VSIG1: variants seen among roughly 807,000 people sequenced by gnomAD.
The protein encoded by VSIG1 is V-set and immunoglobulin domain-containing protein 1.
In VSIG1, 11 loss-of-function variants were observed where a neutral mutation model predicts 20.1. The observed-to-expected ratio is 0.55, with a 90% confidence interval of 0.34 to 0.91. The LOEUF is 0.91. Ranked by LOEUF, VSIG1 falls within the 40% of genes least tolerant of loss-of-function variation. The probability of loss-of-function intolerance (pLI) is 0.02; values close to 1 mark genes in which losing one functional copy is unlikely to be tolerated. For synonymous variants in VSIG1, 126 were observed against 116.7 expected (o/e 1.08, Z -0.52); for missense variants, 283 against 298.8 (o/e 0.95, Z 0.39).
rs1569287348 is a variant in VSIG1, at chrX:108,047,941, T to TATATACAC, written c.49+2767_49+2768insCACATATA. 3.0e-3 allele frequency among the ~76,000 whole-genome samples: 80 copies of TATATACAC among 26,412 alleles called. 4 individuals are homozygous for TATATACAC. Among genetic ancestry groups the TATATACAC allele is most frequent in the Non-Finnish European group, 4.2e-3 (71 of 16,955 alleles). The allele number at this position is 26,412 out of a possible 115,157, so 22.9% of individuals were successfully genotyped here. A position where few individuals can be genotyped will look rare whatever the true frequency, so the allele number is the denominator to read the frequency against. On this transcript the variant is annotated intron_variant, in intron 1 of 6. Transcript: ENST00000217957. ...ATACACATATATATATATACACATA[T>TATATACAC]ATATATATATATACACACACATATA...
chrX:108,032,242 G>A, the VSIG1 span, among the ~76,000 whole-genome samples: 1 of 112,402 alleles, frequency 8.9e-6, no homozygotes, highest in East Asian at 2.8e-4. Flanking sequence ...AGACATAAGA[G>A]AATGCAAGAA....
chrX:108,057,572 T>TA (rs1344990499), intron 1 of VSIG1, among the ~76,000 whole-genome samples: 4 of 111,745 alleles, frequency 3.6e-5, no homozygotes, highest in Non-Finnish European at 7.5e-5. Context: ...AATATATAAA[T>TA]AAAAATTTTA....
At chrX:108,041,670 T>A (rs1209948858), upstream of VSIG1, among the ~76,000 whole-genome samples, 1 of 107,759 alleles carries the variant, frequency 9.3e-6, no homozygotes, top group Non-Finnish European at 1.9e-5. Context: ...GGATTACATG[T>A]GTGAGTGAAT....
At chrX:108,047,799 T>TATATATATACACATATATATATAC (rs2030623974) in intron 1 of VSIG1, among the ~76,000 whole-genome samples, 1 of 68,561 alleles carries the variant, frequency 1.5e-5, no homozygotes, top group Non-Finnish European at 2.6e-5. Flanking sequence ...TCTATATATA[T>TATATATATACACATATATATATAC]ATATATATAC....
Position 108,072,696 on chromosome X carries a change from T to C in VSIG1, c.432T>C (p.Leu144=). The change falls in exon 4 of 7, where the codon CTT becomes CTC. Residue 144 remains leucine, a synonymous_variant. Transcript: ENST00000217957. ...TTACAGTGAAACCTTCTAAGCCCCT[T>C]TGTAGCGTTCAAGGAAGACCAGAAA... The part of the protein sequence containing the change: ...VSVLVKPSKP[L]CSVQGRPETG... The C allele has an allele frequency of 1.7e-6, 2 of 1,211,413 alleles. No homozygotes were observed. The highest frequency in any genetic ancestry group is 2.2e-6 in the Non-Finnish European group (2 of 895,250).
chrX:108,050,571 A>G (rs1250867837), intron 1 of VSIG1, among the ~76,000 whole-genome samples: 4 of 112,563 alleles, frequency 3.6e-5, no homozygotes, highest in African/African-American at 1.3e-4. Context: ...ATCACCTAAA[A>G]TAGCCCTTTG....
intron 2 of VSIG1, among the ~76,000 whole-genome samples, chrX:108,066,374 C>A (rs1410254881): frequency 9.0e-6 from 1 of 111,423 alleles, no homozygotes; most frequent in East Asian, 2.8e-4. Context: ...CAGATGATTT[C>A]TAAGATGCTT....
At chrX:108,034,303 G>C in the VSIG1 span, among the ~76,000 whole-genome samples, 1 of 111,881 alleles carries the variant, frequency 8.9e-6, no homozygotes, top group South Asian at 3.8e-4. Context: ...GACCCAAATT[G>C]CTTCCTTTAT....
At chrX:108,023,868 G>A in the VSIG1 span, among the ~76,000 whole-genome samples, 3 of 111,776 alleles carry the variant, frequency 2.7e-5, no homozygotes, top group African/African-American at 9.8e-5. Flanking sequence ...ACAGCTTAGG[G>A]TTGGCTACTT....
chrX:108,026,109 C>T, the VSIG1 span, among the ~76,000 whole-genome samples: 1 of 111,734 alleles, frequency 8.9e-6, no homozygotes, highest in Non-Finnish European at 1.9e-5. Context: ...TGAATCATAA[C>T]CTGCAAAATT....
the VSIG1 span, among the ~76,000 whole-genome samples, chrX:108,032,816 A>C: frequency 9.0e-6 from 1 of 111,728 alleles, no homozygotes; most frequent in Non-Finnish European, 1.9e-5. Context: ...GGAGATCTAG[A>C]CCATATGCCA....
Position 108,072,960 on chromosome X carries a change from G to T in VSIG1, c.568+128G>T, listed in dbSNP as rs928710982. On this transcript the variant is annotated intron_variant, in intron 4 of 6. Transcript: ENST00000217957. ...GTTTTCTCAGTGGTGGCGGGTGGAG[G>T]GGGGCGGCTGGTAATGTAAAAAGAA... 3 of 702,050 alleles carry T rather than the reference G, an allele frequency of 4.3e-6. No individual in the cohort carries two copies. In the Admixed American group the frequency reaches 1.1e-4, roughly 25 times the overall value. 57.9% of individuals were successfully genotyped at this position (702,050 alleles called of 1,213,427 possible).
Position 108,058,161 on chromosome X carries a change from A to G in VSIG1, c.173A>G (p.Gln58Arg). 1 of 1,210,149 alleles carries G rather than the reference A, an allele frequency of 8.3e-7. No homozygotes were observed. The change falls in exon 2 of 7, where the codon CAG becomes CGG. Residue 58 changes from glutamine (Q) to arginine (R), a missense_variant. Transcript: ENST00000217957. ...GCCTCCCGAGAACAGCTTTCCATCC[A>G]GTGGTCTTTCTTCCATAAGAAGGAG... is the stretch of plus-strand genomic sequence containing the variant. Reference protein sequence around the residue: ...TVASREQLSIQWSFFHKKEME... With the variant: ...TVASREQLSIRWSFFHKKEME...
intron 5 of VSIG1, among the ~76,000 whole-genome samples, chrX:108,074,229 A>G (rs756962267): frequency 8.9e-6 from 1 of 112,001 alleles, no homozygotes; most frequent in Admixed American, 9.4e-5. Flanking sequence ...ATGCACCTGA[A>G]CTTTCTTCCT....
At position 108,054,345 on chromosome X, in the gene VSIG1, A is replaced by T. The variant is rs1279131039; in HGVS notation, c.50-3693A>T. On this transcript the variant is annotated intron_variant, in intron 1 of 6. Coordinates refer to ENST00000217957, the MANE Select transcript of VSIG1 (RefSeq NM_182607.5). Reference sequence around the variant, plus strand: ...GTTGGGAAATTCAATACCCCCTCTCAGAAATTGATAAATCTACTAGACAGA... The same window carrying T: ...GTTGGGAAATTCAATACCCCCTCTCTGAAATTGATAAATCTACTAGACAGA... Among the ~76,000 whole-genome samples, 3 of 111,961 alleles carry T rather than the reference A, an allele frequency of 2.7e-5. No homozygotes were observed. The East Asian group carries it at 8.4e-4, about 31-fold the overall frequency.
intron 3 of VSIG1, among the ~76,000 whole-genome samples, chrX:108,071,559 G>A (rs757601869): frequency 1.4e-4 from 16 of 110,722 alleles, no homozygotes; most frequent in Non-Finnish European, 2.5e-4. Context: ...TCTATGTCCC[G>A]GACTGACCTC....
At chrX:108,021,550 T>A in the VSIG1 span, among the ~76,000 whole-genome samples, 3 of 112,539 alleles carry the variant, frequency 2.7e-5, no homozygotes, top group African/African-American at 6.5e-5. Flanking sequence ...AAACAAAAAA[T>A]TTTAATTTTG....
rs893103716 is a variant in VSIG1 at position 108,077,256 on chromosome X, G to A, written c.1039G>A (p.Glu347Lys). ...EPMAVPDLDI[E>K]LELEPETQSE... ...TATGGCAGTGCCTGACCTTGACATC[G>A]AGCTGGAGCTGGAGCCAGAAACGCA... Residue 347 changes from glutamate (E) to lysine (K), a missense_variant, in exon 7 of 7, where the codon GAG becomes AAG. By Grantham distance (56) the Glu-to-Lys change is moderately conservative. Transcript: ENST00000217957. 3 of 1,211,553 alleles carry A rather than the reference G, an allele frequency of 2.5e-6. No homozygotes were observed. Among genetic ancestry groups the A allele is most frequent in the East Asian group, 3.0e-5 (1 of 33,839 alleles).
At chrX:108,067,205 G>A in intron 3 of VSIG1, 71 bp downstream of exon 3, 1 of 1,044,733 alleles carries the variant, frequency 9.6e-7, no homozygotes, top group Middle Eastern at 2.7e-4. Context: ...AGGACAGTGA[G>A]TTATGATGCC....
Sources: gnomAD v4.1 joint callset for allele counts (sites outside exome capture counted in the v4.1 genomes callset) on GRCh38, gnomAD v4.1.1 for gene constraint, MANE v1.5 for transcripts, NCBI Gene and HGNC (gene_info 2026-07-23, HGNC 2026-07-21) for gene names.